The following OLFM2 variants were observed in gnomAD, a reference collection of about 807,000 sequenced individuals.
The protein encoded by OLFM2 is noelin-2.
In OLFM2, 20 loss-of-function variants were observed where a neutral mutation model predicts 43.9. That is an observed-to-expected ratio of 0.46 (90% CI 0.32 to 0.66). The LOEUF (loss-of-function observed/expected upper bound fraction) is 0.66. Ranked by LOEUF, OLFM2 falls within the 30% of genes least tolerant of loss-of-function variation. The probability of loss-of-function intolerance (pLI) is 0.04; values close to 1 mark genes in which losing one functional copy is unlikely to be tolerated. For synonymous variants in OLFM2, 268 were observed against 278.6 expected (o/e 0.96, Z 0.38); for missense variants, 416 against 643.6 (o/e 0.65, Z 3.83).
chr19:9,880,448 G>T (rs908198419), intron 1 of OLFM2, among the ~76,000 whole-genome samples: 6 of 151,996 alleles, frequency 3.9e-5, no homozygotes, highest in African/African-American at 7.2e-5. Flanking sequence ...ATGAGGAGTT[G>T]GGGCCAGGTG....
chr19:9,917,485 A>C (rs1003338999), intron 1 of OLFM2, among the ~76,000 whole-genome samples: 5 of 152,124 alleles, frequency 3.3e-5, no homozygotes, highest in African/African-American at 1.2e-4. Context: ...GGGAGATCGG[A>C]GATTGGAGAG....
At chr19:9,878,851 C>G (rs1398130344) in intron 1 of OLFM2, among the ~76,000 whole-genome samples, 1 of 152,090 alleles carries the variant, frequency 6.6e-6, no homozygotes, top group East Asian at 1.9e-4. Context: ...GGCTCCAGAG[C>G]CTGAATTTTT....
chr19:9,891,314 GAAAA>G (rs56109769), intron 1 of OLFM2, among the ~76,000 whole-genome samples: 2 of 125,682 alleles, frequency 1.6e-5, no homozygotes, highest in Non-Finnish European at 1.6e-5. Flanking sequence ...CTCCATCTCG[GAAAA>G]AAAAAAAAAA....
chr19:9,892,054 G>A (rs1345568387), intron 1 of OLFM2, among the ~76,000 whole-genome samples: 2 of 152,158 alleles, frequency 1.3e-5, no homozygotes, highest in African/African-American at 4.8e-5. Flanking sequence ...CTGGCATAGT[G>A]AGGAGGGCTA....
intron 2 of OLFM2, 198 bp from the exon 3 acceptor site, chr19:9,858,059 A>C: frequency 1.5e-6 from 1 of 659,970 alleles, no homozygotes; most frequent in Non-Finnish European, 2.7e-6. Flanking sequence ...CCTACTACCC[A>C]CTGGCTCCCA....
chr19:9,861,315 G>T (rs1206330114), intron 1 of OLFM2, among the ~76,000 whole-genome samples: 1 of 149,134 alleles, frequency 6.7e-6, no homozygotes, highest in Non-Finnish European at 1.5e-5. Flanking sequence ...TGCAACCTCC[G>T]CCTGTCTCCA....
At chr19:9,923,674 G>A (rs10401872) in intron 1 of OLFM2, among the ~76,000 whole-genome samples, 1 of 146,800 alleles carries the variant, frequency 6.8e-6, no homozygotes, top group African/African-American at 2.7e-5. Context: ...AAAGAAAAAA[G>A]AAAAGAAAAG....
chr19:9,872,532 A>G (rs1219719032), intron 1 of OLFM2, among the ~76,000 whole-genome samples: 2 of 836 alleles, frequency 2.4e-3, no homozygotes, highest in African/African-American at 0.025. Flanking sequence ...AAAAAAAAAA[A>G]TATTAGTTCA....
At chr19:9,874,806 G>T (rs2046471636) in intron 1 of OLFM2, among the ~76,000 whole-genome samples, 1 of 151,984 alleles carries the variant, frequency 6.6e-6, no homozygotes, top group Admixed American at 6.6e-5. Flanking sequence ...TAGAGACAAG[G>T]TCTTGCTGTG....
At chr19:9,895,476 C>T (rs2046675463) in intron 1 of OLFM2, among the ~76,000 whole-genome samples, 2 of 150,328 alleles carry the variant, frequency 1.3e-5, no homozygotes, top group Non-Finnish European at 3.0e-5. Context: ...GCCTGGGTGA[C>T]AGAGTGAGAC....
In OLFM2 at chr19:9,853,980, T is replaced by A; in HGVS notation, c.*206A>T. The A allele has an allele frequency of 3.4e-6, 2 of 593,916 alleles. No homozygotes were observed. Among genetic ancestry groups the A allele is most frequent in the Non-Finnish European group, 6.0e-6 (2 of 335,110 alleles). 36.8% of individuals were successfully genotyped at this position (593,916 alleles called of 1,614,324 possible). ...AAGGCAGAAAGAAAGAAGTGGTGTA[T>A]TAAAAGCAGAGATCAATAAAGGAGA... On this transcript the variant is annotated 3_prime_UTR_variant, in exon 6 of 6. Coordinates refer to ENST00000264833, the MANE Select transcript of OLFM2 (RefSeq NM_058164.4).
Position 9,854,915 on chromosome 19 carries a change from G to T in OLFM2, c.688-52C>A. 7.1e-7 allele frequency: 1 copy of T among 1,406,560 alleles called. No homozygotes were observed. The highest frequency in any genetic ancestry group is 1.4e-5 in the South Asian group (1 of 72,110). 87.1% of individuals were successfully genotyped at this position (1,406,560 alleles called of 1,614,324 possible). ...GGGGAACCACCACCAACGACCCAAG[G>T]GTCCCAGCACCAGCTACAGCCATTA... is the stretch of plus-strand genomic sequence containing the variant. On this transcript the variant is annotated intron_variant, in intron 5 of 5. Transcript: ENST00000264833. This position sits in a 1 kb window ranked among gnomAD's most constrained non-coding sequence, Gnocchi z 9.5.
At chr19:9,919,514 G>A (rs141579153) in intron 1 of OLFM2, among the ~76,000 whole-genome samples, 5,963 of 151,550 alleles carry the variant, frequency 0.039, 371 homozygotes, top group African/African-American at 0.14. Flanking sequence ...ACAGAGTCTC[G>A]CTCTGTCACT....
chr19:9,870,782 G>A (rs990610342), intron 1 of OLFM2, among the ~76,000 whole-genome samples: 5 of 152,132 alleles, frequency 3.3e-5, no homozygotes, highest in Non-Finnish European at 7.4e-5. Context: ...CAAGTCACCC[G>A]GGAGGTGGAG....
intron 1 of OLFM2, among the ~76,000 whole-genome samples, chr19:9,919,309 G>A (rs557754554): frequency 8.3e-4 from 126 of 152,172 alleles, no homozygotes; most frequent in Non-Finnish European, 1.2e-3. Context: ...TGGGGCTACA[G>A]GCGCCTACCA....
chr19:9,881,538 G>A (rs2046539981), intron 1 of OLFM2, among the ~76,000 whole-genome samples: 1 of 152,110 alleles, frequency 6.6e-6, no homozygotes, highest in Non-Finnish European at 1.5e-5. Flanking sequence ...AAGTCGAGGT[G>A]TCAGCAGGGT....
chr19:9,906,030 G>A (rs1487318035), intron 1 of OLFM2, among the ~76,000 whole-genome samples: 1 of 152,116 alleles, frequency 6.6e-6, no homozygotes, highest in Non-Finnish European at 1.5e-5. Flanking sequence ...ACACGATGGG[G>A]CGTGCTTGCC....
intron 1 of OLFM2, among the ~76,000 whole-genome samples, chr19:9,932,355 T>C (rs772598159): frequency 5.1e-4 from 76 of 150,146 alleles, no homozygotes; most frequent in Middle Eastern, 6.8e-3. Context: ...CTCGGGAGGC[T>C]GAGGCACGAG....
chr19:9,863,246 G>T (rs886385954), intron 1 of OLFM2, among the ~76,000 whole-genome samples: 2 of 152,120 alleles, frequency 1.3e-5, no homozygotes, highest in African/African-American at 4.8e-5. Context: ...TTGAGTAAGG[G>T]GTAAGTGGAG....
Sources: gnomAD v4.1 joint callset for allele counts (sites outside exome capture counted in the v4.1 genomes callset) on GRCh38, gnomAD v4.1.1 for gene constraint, Gnocchi (gnomAD v3.1) non-coding constraint, MANE v1.5 for transcripts, NCBI Gene and HGNC (gene_info 2026-07-23, HGNC 2026-07-21) for gene names.